Variants in CLPP observed in about 807,000 individuals in gnomAD.
CLPP encodes the protein ATP-dependent Clp protease proteolytic subunit, mitochondrial.
CLPP carries 14 observed loss-of-function variants against 27.4 expected under a neutral mutation model. The ratio of observed to expected loss-of-function variants is 0.51; its 90% CI spans 0.34 to 0.80. The LOEUF (loss-of-function observed/expected upper bound fraction) is 0.80. CLPP is among the 30% of genes least tolerant of loss of function. The probability of loss-of-function intolerance (pLI) is 0.02; values close to 1 mark genes in which losing one functional copy is unlikely to be tolerated. For missense variants in CLPP, 361 were observed against 403.6 expected, an observed-to-expected ratio of 0.89 and a Z score of 0.90; for synonymous variants, 193 against 166.6, an observed-to-expected ratio of 1.16 and a Z score of -1.22.
chr19:6,366,435 T>C, intron 5 of CLPP, 72 bp downstream of exon 5: 1 of 1,183,832 alleles, frequency 8.4e-7, no homozygotes, highest in Non-Finnish European at 1.2e-6. Context: ...CCAGGGCTTC[T>C]CCACCTGGCC....
chr19:6,362,603 G>T (rs953340020), intron 3 of CLPP, 61 bp downstream of exon 3: 3 of 1,143,972 alleles, frequency 2.6e-6, no homozygotes, highest in African/African-American at 1.5e-5. Flanking sequence ...TGACTCAGGG[G>T]ACCAGAATCC....
chr19:6,365,901 G>A (rs117064551), intron 4 of CLPP, among the ~76,000 whole-genome samples: 3,624 of 151,378 alleles, frequency 0.024, 51 homozygotes, highest in Non-Finnish European at 0.037. Context: ...AGGATCACTT[G>A]AGGCCGGGAG....
chr19:6,364,495 G>C lies in CLPP; in HGVS notation c.411G>C (p.Gln137His). Residue 137 changes from glutamine (Q) to histidine (H), a missense_variant, in exon 4 of 6, where the codon CAG (glutamine) becomes CAC (histidine). Gln to His is a conservative substitution (Grantham distance 24). Around this residue, in one of 2 missense-constraint regions of CLPP, gnomAD observed 213 missense variants for 280.9 expected, o/e 0.76. Transcript: ENST00000245816. ...GCCTGGCCATCTACGACACGATGCA[G>C]TACATCCTCAACCCGATCTGCACCT... ...TAGLAIYDTM[Q>H]YILNPICTWC... is the part of the protein sequence containing the mutation. The C allele has an allele frequency of 4.3e-6, 7 of 1,611,758 alleles. No individual in the cohort carries two copies. The highest frequency in any genetic ancestry group is 5.9e-6 in the Non-Finnish European group (7 of 1,179,594).
intron 2 of CLPP, 166 bp downstream of exon 2, chr19:6,362,106 G>T: frequency 2.1e-6 from 1 of 466,692 alleles, no homozygotes; most frequent in South Asian, 2.5e-5. Context: ...CCCCCAACCC[G>T]CTCCTCACCC....
At chr19:6,368,508 A>G (rs775098104) in intron 5 of CLPP, 30 bp from the exon 6 acceptor site, 1 of 1,612,872 alleles carries the variant, frequency 6.2e-7, no homozygotes, top group Non-Finnish European at 8.5e-7. Flanking sequence ...CTCTTACCCT[A>G]ATGTGTCTCA....
In CLPP at chr19:6,369,145, A is replaced by G. The variant is rs2091875870; in HGVS notation, c.*435A>G. On this transcript the variant is annotated 3_prime_UTR_variant, in exon 6 of 6. Coordinates refer to ENST00000245816, the MANE Select transcript of CLPP (RefSeq NM_006012.4). ...GTTACTAAAAAAAACAAAACAGGCC[A>G]GGCGCGCTGGCTCACGCCTGTAATC... Among the ~76,000 whole-genome samples the G allele has an allele frequency of 6.6e-6, 1 of 152,156 alleles. No individual in the cohort carries two copies. The highest frequency in any genetic ancestry group is 2.1e-4 in the South Asian group (1 of 4,834).
chr19:6,368,015 G>A (rs1568323383), intron 5 of CLPP, among the ~76,000 whole-genome samples: 1 of 152,132 alleles, frequency 6.6e-6, no homozygotes, highest in Non-Finnish European at 1.5e-5. Context: ...ACAAGTGTGA[G>A]CCACCGTGCC....
intron 2 of CLPP, chr19:6,362,147 C>T: frequency 1.7e-6 from 1 of 605,680 alleles, no homozygotes; most frequent in Non-Finnish European, 2.9e-6. Flanking sequence ...TAATCTCCGA[C>T]TTCCTTCCTG....
In CLPP at chr19:6,364,633, C is replaced by T. The variant is rs566689450; in HGVS notation, c.549C>T (p.Gly183=). 20 of 1,609,378 alleles carry T rather than the reference C, an allele frequency of 1.2e-5. No individual in the cohort carries two copies. Among genetic ancestry groups the T allele is most frequent in the South Asian group, 8.8e-5 (8 of 90,844 alleles). The part of the protein sequence containing the change: ...SRIMIHQPSG[G]ARGQATDIAI... Reference sequence around the variant, plus strand: ...TCATGATCCACCAGCCCTCAGGAGGCGCCCGGGTGAGTGCCAGACACGCGA... The same window carrying T: ...TCATGATCCACCAGCCCTCAGGAGGTGCCCGGGTGAGTGCCAGACACGCGA... Residue 183 remains glycine, a synonymous_variant, in exon 4 of 6, where the codon GGC becomes GGT. Transcript: ENST00000245816.
intron 5 of CLPP, 150 bp from the exon 6 acceptor site, chr19:6,368,388 C>T: frequency 5.4e-6 from 4 of 745,826 alleles, no homozygotes; most frequent in Middle Eastern, 2.7e-4. Flanking sequence ...CCAAGGACCC[C>T]ATCTCCAAAT....
intron 4 of CLPP, 23 bp from the exon 5 acceptor site, chr19:6,366,234 CT>C (rs2091861768): frequency 6.4e-7 from 1 of 1,553,518 alleles, no homozygotes; most frequent in Non-Finnish European, 8.8e-7. Context: ...CCTTTACCCC[CT>C]CACTCCCTTG....
At chr19:6,366,189 C>G in intron 4 of CLPP, 69 bp from the exon 5 acceptor site, 1 of 1,087,976 alleles carries the variant, frequency 9.2e-7, no homozygotes, top group Non-Finnish European at 1.4e-6. Flanking sequence ...AGTGCCACCT[C>G]CAGCCTCCCT....
At position 6,361,690 on chromosome 19, in the gene CLPP, A is replaced by G; in HGVS notation, c.116A>G (p.Gln39Arg). ...CAGCGGCCGCCGCAGCGGACACTCC[A>G]GAACGGCCTGGCCCTGCAGCGGTGC... is the stretch of plus-strand genomic sequence containing the variant. ...PAQRPPQRTL[Q>R]NGLALQRCLH... The change falls in exon 1 of 6, where the codon CAG becomes CGG. Residue 39 changes from glutamine (Q) to arginine (R), a missense_variant. Gln to Arg is a conservative substitution (Grantham distance 43). Coordinates refer to ENST00000245816, the MANE Select transcript of CLPP (RefSeq NM_006012.4). 1 of 1,494,116 alleles carries G rather than the reference A, an allele frequency of 6.7e-7. No individual in the cohort carries two copies. The highest frequency in any genetic ancestry group is 8.9e-7 in the Non-Finnish European group (1 of 1,124,476). 92.6% of individuals were successfully genotyped at this position (1,494,116 alleles called of 1,614,324 possible).
At chr19:6,366,388 C>T (rs775359801) in intron 5 of CLPP, 25 bp downstream of exon 5, 1 of 1,555,052 alleles carries the variant, frequency 6.4e-7, no homozygotes, top group Non-Finnish European at 8.8e-7. Flanking sequence ...TTATTTCATC[C>T]TGGTCCGTGC....
intron 4 of CLPP, 139 bp downstream of exon 4, chr19:6,364,778 G>C (rs2091854095): frequency 2.5e-6 from 2 of 802,522 alleles, no homozygotes; most frequent in African/African-American, 1.8e-5. Context: ...GCCCAGGCTG[G>C]AGTGCAGTGG....
intron 3 of CLPP, among the ~76,000 whole-genome samples, chr19:6,363,235 T>C (rs2091845313): frequency 6.6e-6 from 1 of 151,656 alleles, no homozygotes; most frequent in Non-Finnish European, 1.5e-5. Context: ...CAAGCGATTC[T>C]CCAGCTTCAG....
At chr19:6,363,709 C>A (rs560932046) in intron 3 of CLPP, among the ~76,000 whole-genome samples, 1 of 151,614 alleles carries the variant, frequency 6.6e-6, no homozygotes, top group Non-Finnish European at 1.5e-5. Context: ...AGCAGCCTGG[C>A]CAACGTGGTG....
intron 2 of CLPP, 194 bp from the exon 3 acceptor site, chr19:6,362,252 C>G (rs555716661): frequency 7.3e-5 from 44 of 604,014 alleles, no homozygotes; most frequent in South Asian, 5.1e-4. Context: ...CTGACTCCCC[C>G]CTTCCTGTGC....
At position 6,368,559 on chromosome 19, in the gene CLPP, G is replaced by A. The variant is rs142079552; in HGVS notation, c.683G>A (p.Arg228His). 3.4e-5 allele frequency: 55 copies of A among 1,614,112 alleles called. No individual in the cohort carries two copies. The highest frequency in any genetic ancestry group is 2.5e-4 in the African/African-American group (19 of 75,054). Reference sequence around the variant, plus strand: ...CCAGAGTCCGCCATGGAGAGGGACCGCTACATGAGCCCCATGGAGGCCCAG... The same window carrying A: ...CCAGAGTCCGCCATGGAGAGGGACCACTACATGAGCCCCATGGAGGCCCAG... ...QVIESAMERDRYMSPMEAQEF... is the reference protein window; with the variant it reads ...QVIESAMERDHYMSPMEAQEF... The change falls in exon 6 of 6, where the codon CGC becomes CAC. Residue 228 changes from arginine (R) to histidine (H), a missense_variant. Transcript: ENST00000245816.
Sources: allele counts gnomAD v4.1 joint callset (sites outside exome capture counted in the v4.1 genomes callset), GRCh38; gene constraint gnomAD v4.1.1; regional missense constraint gnomAD v4.1.1; transcripts MANE v1.5; gene names NCBI Gene and HGNC (gene_info 2026-07-23, HGNC 2026-07-21).